NEK7: variants seen among roughly 807,000 people sequenced by gnomAD.
The protein encoded by NEK7 is NIMA related kinase 7, also known as serine/threonine-protein kinase Nek7.
NEK7 carries 18 observed loss-of-function variants against 44.6 expected under a neutral mutation model. The observed-to-expected ratio is 0.40, with a 90% CI of 0.28 to 0.60. The LOEUF is 0.60. NEK7 is among the 20% of genes least tolerant of loss of function. NEK7 has a pLI of 0.38. For missense variants in NEK7, 256 were observed against 366.5 expected, an observed-to-expected ratio of 0.70 and a Z score of 2.46; for synonymous variants, 130 against 121.1, an observed-to-expected ratio of 1.07 and a Z score of -0.48.
chr1:198,226,188 G>A (rs1290065900), intron 1 of NEK7, among the ~76,000 whole-genome samples: 1 of 151,876 alleles, frequency 6.6e-6, no homozygotes, highest in Non-Finnish European at 1.5e-5. Context: ...GTGTTCTGAG[G>A]GCATGATAAG....
intron 1 of NEK7, among the ~76,000 whole-genome samples, chr1:198,183,049 T>A (rs1664813492): frequency 6.6e-6 from 1 of 152,142 alleles, no homozygotes; most frequent in Admixed American, 6.6e-5. Context: ...TAATAGGATT[T>A]CTGAAACTCA....
At chr1:198,274,531 G>A (rs115990315) in intron 5 of NEK7, among the ~76,000 whole-genome samples, 3,744 of 151,676 alleles carry the variant, frequency 0.025, 70 homozygotes, top group African/African-American at 0.046. Context: ...GTTTTGATAT[G>A]CCACAGAGAA....
chr1:198,290,309 C>G (rs1397788822), intron 7 of NEK7, among the ~76,000 whole-genome samples: 1 of 152,170 alleles, frequency 6.6e-6, no homozygotes, highest in Non-Finnish European at 1.5e-5. Context: ...TCACAACATT[C>G]TTGAGGCAAC....
chr1:198,320,217 C>CT lies in NEK7; in HGVS notation c.*695_*696insT, dbSNP rs1287481703. On this transcript the variant is annotated 3_prime_UTR_variant, in exon 10 of 10. Coordinates refer to ENST00000367385, the MANE Select transcript of NEK7 (RefSeq NM_133494.3). ...TGCATTGAAATGGTATAAATGAATC[C>CT]ATTTAAAAAGTGGTTAAGGATTTGT... The CT allele has an allele frequency of 6.6e-6, 1 of 151,910 alleles. No homozygotes were observed. Among genetic ancestry groups the CT allele is most frequent in the Non-Finnish European group, 1.5e-5 (1 of 67,950 alleles). The allele number at this position is 151,910 out of a possible 1,614,324, so 9.4% of individuals were successfully genotyped here. A position where few individuals can be genotyped will look rare whatever the true frequency, so the allele number is the denominator to read the frequency against.
At chr1:198,167,270 A>C (rs1664295268) in intron 1 of NEK7, among the ~76,000 whole-genome samples, 1 of 151,984 alleles carries the variant, frequency 6.6e-6, no homozygotes, top group Non-Finnish European at 1.5e-5. Flanking sequence ...GCTGCCTATC[A>C]CTCTTACACT....
chr1:198,251,142 T>C (rs1301617331), intron 2 of NEK7, among the ~76,000 whole-genome samples: 2 of 151,974 alleles, frequency 1.3e-5, no homozygotes, highest in Non-Finnish European at 2.9e-5. Flanking sequence ...GATAATCATG[T>C]GGTTTTTGTC....
At chr1:198,250,413 G>A (rs1259753057) in intron 2 of NEK7, among the ~76,000 whole-genome samples, 2 of 152,084 alleles carry the variant, frequency 1.3e-5, no homozygotes, top group East Asian at 3.9e-4. Flanking sequence ...CCAATTCTGT[G>A]AAGAAAGTCA....
intron 1 of NEK7, among the ~76,000 whole-genome samples, chr1:198,173,252 G>A (rs1252816821): frequency 6.6e-6 from 1 of 151,968 alleles, no homozygotes; most frequent in Non-Finnish European, 1.5e-5. Flanking sequence ...AACATAGGGA[G>A]ACCCTGTCTC....
At chr1:198,254,566 G>C (rs148299181) in intron 3 of NEK7, among the ~76,000 whole-genome samples, 59 of 152,198 alleles carry the variant, frequency 3.9e-4, no homozygotes, top group Admixed American at 1.1e-3. Context: ...ATATTCACTT[G>C]TTCTTGTTGA....
chr1:198,315,473 TG>T (rs1345959925), intron 9 of NEK7, among the ~76,000 whole-genome samples: 6 of 152,178 alleles, frequency 3.9e-5, no homozygotes, highest in Admixed American at 3.3e-4. Context: ...CCATCTATGG[TG>T]GGCCTTAGCT....
intron 5 of NEK7, among the ~76,000 whole-genome samples, chr1:198,275,282 T>G (rs1012170700): frequency 2.0e-5 from 3 of 151,194 alleles, no homozygotes; most frequent in Non-Finnish European, 4.4e-5. Flanking sequence ...GCCCATAAAT[T>G]TTCAGATACT....
At chr1:198,191,657 A>G (rs371785511) in intron 1 of NEK7, among the ~76,000 whole-genome samples, 1 of 151,836 alleles carries the variant, frequency 6.6e-6, no homozygotes, top group African/African-American at 2.4e-5. Context: ...TCGTTTTTTT[A>G]TAGTTTGTAA....
At chr1:198,204,185 A>G (rs1665520824) in intron 1 of NEK7, among the ~76,000 whole-genome samples, 1 of 152,148 alleles carries the variant, frequency 6.6e-6, no homozygotes, top group African/African-American at 2.4e-5. Flanking sequence ...TCTGGAGCCC[A>G]GGAGTTAGAG....
Position 198,195,964 on chromosome 1 carries a change from A to T in NEK7, c.-28-36589A>T, listed in dbSNP as rs183137004. On this transcript the variant is annotated intron_variant, in intron 1 of 9. Coordinates refer to ENST00000367385, the MANE Select transcript of NEK7 (RefSeq NM_133494.3). The stretch of plus-strand genomic sequence containing the variant: ...AATGGTCTGAGATATTTCTTTTAAT[A>T]AAAGGTTATCTATAAATATATCTTC... Among the ~76,000 whole-genome samples the T allele has an allele frequency of 5.6e-3, 856 of 152,306 alleles. 5 individuals are homozygous for T. The highest frequency in any genetic ancestry group is 9.1e-3 in the Non-Finnish European group (617 of 68,032).
At chr1:198,204,727 A>C (rs1665542004) in intron 1 of NEK7, among the ~76,000 whole-genome samples, 1 of 151,896 alleles carries the variant, frequency 6.6e-6, no homozygotes, top group African/African-American at 2.4e-5. Flanking sequence ...CAAAAAAAAA[A>C]AAAAAAAAAA....
Position 198,165,996 on chromosome 1 carries a change from A to T in NEK7, c.-29+8720A>T, listed in dbSNP as rs1664255797. Among the ~76,000 whole-genome samples, 6 of 152,202 alleles carry T rather than the reference A, an allele frequency of 3.9e-5. No homozygotes were observed. The South Asian group carries it at 1.2e-3, about 32-fold the overall frequency. The stretch of plus-strand genomic sequence containing the variant: ...TGACATATTTCCTTGGACTTCATGG[A>T]CCAACCTCTGTTAACTCCATTTTTT... On this transcript the variant is annotated intron_variant, in intron 1 of 9. Transcript: ENST00000367385.
chr1:198,157,160 G>A lies in NEK7; in HGVS notation c.-145G>A, dbSNP rs549866553. 7.2e-3 allele frequency: 1,096 copies of A among 151,720 alleles called. 2 individuals are homozygous for A. Among genetic ancestry groups the A allele is most frequent in the Non-Finnish European group, 0.011 (723 of 67,850 alleles). The allele number at this position is 151,720 out of a possible 1,614,324, so 9.4% of individuals were successfully genotyped here. On this transcript the variant is annotated 5_prime_UTR_variant, in exon 1 of 10. Transcript: ENST00000367385. ...CGGCGGGAGGTGGCCGACAGGCTCC[G>A]GGCCTCGCAGCCTCAGCCCCCGGCC...
intron 1 of NEK7, among the ~76,000 whole-genome samples, chr1:198,216,410 A>T (rs113496218): frequency 6.6e-6 from 1 of 152,072 alleles, no homozygotes; most frequent in Non-Finnish European, 1.5e-5. Context: ...AAGTTATCAA[A>T]ATCTCTAGGA....
At chr1:198,206,268 T>C (rs1665595520) in intron 1 of NEK7, among the ~76,000 whole-genome samples, 1 of 152,116 alleles carries the variant, frequency 6.6e-6, no homozygotes, top group South Asian at 2.1e-4. Context: ...TGAGTTACAG[T>C]AATAACCACA....
Sources: allele counts gnomAD v4.1 joint callset (sites outside exome capture counted in the v4.1 genomes callset), GRCh38; gene constraint gnomAD v4.1.1; transcripts MANE v1.5; gene names NCBI Gene and HGNC (gene_info 2026-07-23, HGNC 2026-07-21).